Variants in PLEKHM1 observed in about 807,000 individuals in gnomAD.
PLEKHM1 encodes pleckstrin homology and RUN domain containing M1, also known as pleckstrin homology domain-containing family M member 1.
PLEKHM1 carries 28 observed loss-of-function variants against 94.3 expected under a neutral mutation model. The observed-to-expected ratio is 0.30, with a 90% CI of 0.22 to 0.41. The LOEUF (loss-of-function observed/expected upper bound fraction) is 0.41. Ranked by LOEUF, PLEKHM1 falls within the 10% of genes least tolerant of loss-of-function variation. The probability of loss-of-function intolerance (pLI) is 1.00; values close to 1 mark genes in which losing one functional copy is unlikely to be tolerated. For synonymous variants in PLEKHM1, 424 were observed against 581.2 expected (o/e 0.73, Z 3.89); for missense variants, 907 against 1,358.6 (o/e 0.67, Z 5.22).
At chr17:45,477,199 G>A (rs1300655997) in intron 3 of PLEKHM1, 1 of 156,658 alleles carries the variant, frequency 6.4e-6, no homozygotes, top group Non-Finnish European at 1.4e-5. Context: ...CACTTTGGGA[G>A]GCGGAGGTAG....
chr17:45,455,167 C>A (rs551508191), intron 6 of PLEKHM1, among the ~76,000 whole-genome samples: 3 of 152,290 alleles, frequency 2.0e-5, no homozygotes, highest in Non-Finnish European at 4.4e-5. Context: ...AGTTTCCCTG[C>A]TCCCATTCCT....
At chr17:45,472,557 C>T (rs1274847452) in intron 4 of PLEKHM1, among the ~76,000 whole-genome samples, 1 of 152,188 alleles carries the variant, frequency 6.6e-6, no homozygotes, top group African/African-American at 2.4e-5. Flanking sequence ...AGGTCATGCC[C>T]TGTGCCTGGG....
intron 9 of PLEKHM1, among the ~76,000 whole-genome samples, chr17:45,443,418 G>T (rs1231718474): frequency 1.3e-5 from 2 of 152,126 alleles, no homozygotes; most frequent in Non-Finnish European, 2.9e-5. Context: ...CACAGTGGGT[G>T]AGGGCCTCCC....
chr17:45,457,602 G>A (rs2051007105), intron 6 of PLEKHM1, among the ~76,000 whole-genome samples: 1 of 151,776 alleles, frequency 6.6e-6, no homozygotes, highest in African/African-American at 2.4e-5. Flanking sequence ...GCAGGTACCT[G>A]TAATCCCAGC....
rs571189731 is a variant in PLEKHM1, at chr17:45,461,698, G to A, written c.1309-3259C>T. Among the ~76,000 whole-genome samples the A allele has an allele frequency of 1.1e-4, 17 of 152,246 alleles. 1 individual carries two copies. The South Asian group carries it at 3.3e-3, about 30-fold the overall frequency. ...GCAGGCCTCAGGGTCCTCATTGGCCGCCTCTGTCTCTGCCGCCCACTTCTG... is the reference window on the plus strand; with the variant it reads ...GCAGGCCTCAGGGTCCTCATTGGCCACCTCTGTCTCTGCCGCCCACTTCTG... On this transcript the variant is annotated intron_variant, in intron 5 of 11. Coordinates refer to ENST00000430334, the MANE Select transcript of PLEKHM1 (RefSeq NM_014798.3).
chr17:45,485,380 G>A (rs1055527466), intron 1 of PLEKHM1, among the ~76,000 whole-genome samples: 8 of 152,036 alleles, frequency 5.3e-5, no homozygotes, highest in African/African-American at 1.9e-4. Flanking sequence ...AGGCCCTCAG[G>A]CCCACCCTTC....
rs532353040 is a variant in PLEKHM1 at position 45,436,960 on chromosome 17, G to A, written c.*898C>T. On this transcript the variant is annotated 3_prime_UTR_variant, in exon 12 of 12. Transcript: ENST00000430334. ...GGGCACCCACCAAGGTGGGCCTGGA[G>A]CATCTGCAGCAGCGCCCCTGTCTGT... 1 of 447,962 alleles carries A rather than the reference G, an allele frequency of 2.2e-6. No individual in the cohort carries two copies. The highest frequency in any genetic ancestry group is 4.5e-6 in the Non-Finnish European group (1 of 221,534). 27.7% of individuals were successfully genotyped at this position (447,962 alleles called of 1,614,324 possible). A position where few individuals can be genotyped will look rare whatever the true frequency, so the allele number is the denominator to read the frequency against.
intron 11 of PLEKHM1, 94 bp from the exon 12 acceptor site, chr17:45,438,063 C>G (rs1043965398): frequency 4.5e-6 from 4 of 888,534 alleles, no homozygotes; most frequent in Non-Finnish European, 7.4e-6. Flanking sequence ...ACCCACGATA[C>G]GGCTGTGATG....
chr17:45,473,580 A>G (rs2051591212), intron 4 of PLEKHM1, among the ~76,000 whole-genome samples: 1 of 150,196 alleles, frequency 6.7e-6, no homozygotes, highest in Non-Finnish European at 1.5e-5. Flanking sequence ...TTTTTTTGGG[A>G]CAGAGTCTCA....
At chr17:45,485,999 G>C (rs1050111660) in intron 1 of PLEKHM1, among the ~76,000 whole-genome samples, 11 of 151,186 alleles carry the variant, frequency 7.3e-5, no homozygotes, top group African/African-American at 2.4e-4. Flanking sequence ...GGCGGATCAC[G>C]AGGTCAGGAG....
intron 9 of PLEKHM1, among the ~76,000 whole-genome samples, chr17:45,442,458 T>G (rs1383964705): frequency 1.3e-5 from 2 of 152,142 alleles, no homozygotes; most frequent in Non-Finnish European, 2.9e-5. Context: ...CAGCCTGGAG[T>G]GCAGTGGCGT....
In PLEKHM1 at chr17:45,440,008, G is replaced by A. The variant is rs1327736799; in HGVS notation, c.2901+155C>T. On this transcript the variant is annotated intron_variant, in intron 10 of 11. Coordinates refer to ENST00000430334, the MANE Select transcript of PLEKHM1 (RefSeq NM_014798.3). ...GTATCCGTCCCTGCCCAGGAAGCTGGGGCAGCAGGGCAACCCACCCTGAGC... is the reference window on the plus strand; with the variant it reads ...GTATCCGTCCCTGCCCAGGAAGCTGAGGCAGCAGGGCAACCCACCCTGAGC... The A allele has an allele frequency of 4.1e-6, 3 of 730,216 alleles. No homozygotes were observed. The African/African-American group carries it at 5.2e-5, about 13-fold the overall frequency. The allele number at this position is 730,216 out of a possible 1,614,324, so 45.2% of individuals were successfully genotyped here. A position where few individuals can be genotyped will look rare whatever the true frequency, so the allele number is the denominator to read the frequency against.
chr17:45,483,272 T>G (rs2052011654), intron 1 of PLEKHM1, among the ~76,000 whole-genome samples: 1 of 152,038 alleles, frequency 6.6e-6, no homozygotes, highest in South Asian at 2.1e-4. Flanking sequence ...ACCTGATATG[T>G]TGTACCTGGC....
chr17:45,485,480 T>C (rs1400542299), intron 1 of PLEKHM1, among the ~76,000 whole-genome samples: 1 of 152,114 alleles, frequency 6.6e-6, no homozygotes, highest in Non-Finnish European at 1.5e-5. Context: ...ATTTGAATTA[T>C]AGCCCAGGCC....
intron 11 of PLEKHM1, 133 bp downstream of exon 11, chr17:45,439,344 T>C: frequency 9.7e-7 from 1 of 1,028,450 alleles, no homozygotes; most frequent in Non-Finnish European, 1.5e-6. Context: ...CACCACCCCT[T>C]GGCACAGCAC....
Position 45,453,349 on chromosome 17 carries a change from C to T in PLEKHM1, c.2497+6G>A, listed in dbSNP as rs536661914. 1.8e-5 allele frequency: 29 copies of T among 1,611,328 alleles called. No homozygotes were observed. The highest frequency in any genetic ancestry group is 5.3e-5 in the African/African-American group (4 of 74,936). On this transcript the variant is annotated splice_donor_region_variant and intron_variant, in intron 7 of 11. Transcript: ENST00000430334. The surrounding 1 kb of genome is among the most constrained non-coding windows in gnomAD (Gnocchi z 4.1). ...GGCTGGGGGTGGCAGCAGAGCAAATCGGCACCTGCGCAGAAGCAGCCTTGG... is the reference window on the plus strand; with the variant it reads ...GGCTGGGGGTGGCAGCAGAGCAAATTGGCACCTGCGCAGAAGCAGCCTTGG...
Position 45,454,261 on chromosome 17 carries a change from G to A in PLEKHM1, c.1591C>T (p.Pro531Ser), listed in dbSNP as rs755055550. The A allele has an allele frequency of 2.5e-6, 4 of 1,605,860 alleles. No homozygotes were observed. The highest frequency in any genetic ancestry group is 3.4e-6 in the Non-Finnish European group (4 of 1,176,432). The change falls in exon 7 of 12, where the codon CCA becomes TCA. Residue 531 changes from proline to serine, a missense_variant. Coordinates refer to ENST00000430334, the MANE Select transcript of PLEKHM1 (RefSeq NM_014798.3). ...CCCAGCTTCATGAGACCCCGGAATG[G>A]GTTGGACAGTCCTGGAGGCAGAGGC... ...VHRRQMGLSNPFRGLMKLGTV... is the reference protein window; with the variant it reads ...VHRRQMGLSNSFRGLMKLGTV...
chr17:45,443,737 C>G (rs539219154), intron 9 of PLEKHM1, among the ~76,000 whole-genome samples: 35 of 152,298 alleles, frequency 2.3e-4, no homozygotes, highest in Admixed American at 1.2e-3. Context: ...TAAGGCCCCA[C>G]CTGACCCCAG....
chr17:45,457,889 C>T (rs564939364), intron 6 of PLEKHM1, among the ~76,000 whole-genome samples: 32 of 152,270 alleles, frequency 2.1e-4, no homozygotes, highest in African/African-American at 6.3e-4. Context: ...CAAGAGTTTT[C>T]TATAATCATA....
Sources: allele counts gnomAD v4.1 joint callset (sites outside exome capture counted in the v4.1 genomes callset), GRCh38; gene constraint gnomAD v4.1.1; non-coding constraint Gnocchi (gnomAD v3.1); transcripts MANE v1.5; gene names NCBI Gene and HGNC (gene_info 2026-07-23, HGNC 2026-07-21).